The following DLGAP1 variants were observed in gnomAD, a reference collection of about 807,000 sequenced individuals.
The protein encoded by DLGAP1 is DLG associated protein 1, also known as disks large-associated protein 1.
A neutral mutation model predicts 90.8 loss-of-function variants in DLGAP1; 11 were observed. The observed-to-expected ratio is 0.12, with a 90% CI of 0.08 to 0.20. DLGAP1 has a LOEUF of 0.20. Ranked by LOEUF, DLGAP1 falls within the 10% of genes least tolerant of loss-of-function variation. The pLI, the probability that DLGAP1 is intolerant of heterozygous loss-of-function variation, is 1.00. For synonymous variants in DLGAP1, 558 were observed against 540.7 expected (o/e 1.03, Z -0.44); for missense variants, 1,050 against 1,333.8 (o/e 0.79, Z 3.31).
At chr18:3,781,918 G>A (rs545966763) in intron 5 of DLGAP1, among the ~76,000 whole-genome samples, 118 of 152,190 alleles carry the variant, frequency 7.8e-4, no homozygotes, top group Middle Eastern at 3.4e-3. Context: ...GGTACACACC[G>A]CTACATTTGA....
chr18:3,910,051 T>A (rs952442582), intron 3 of DLGAP1, among the ~76,000 whole-genome samples: 1 of 151,590 alleles, frequency 6.6e-6, no homozygotes, highest in African/African-American at 2.4e-5. Flanking sequence ...CAGGAAGTCA[T>A]CATTTGCCAT....
In DLGAP1 at chr18:3,646,882, A is replaced by G. The variant is rs530093661; in HGVS notation, c.1592-64634T>C. The stretch of plus-strand genomic sequence containing the variant: ...GGAGCTTGCAGTGAGCCAAGATCGA[A>G]CTACTGCACTTCAGCCTGGGCAACA... On this transcript the variant is annotated intron_variant, in intron 7 of 12. Coordinates refer to ENST00000315677, the MANE Select transcript of DLGAP1 (RefSeq NM_004746.4). Among the ~76,000 whole-genome samples, 865 of 151,840 alleles carry G rather than the reference A, an allele frequency of 5.7e-3. 9 individuals are homozygous for G. The highest frequency in any genetic ancestry group is 0.02 in the African/African-American group (832 of 41,234).
intron 2 of DLGAP1, among the ~76,000 whole-genome samples, chr18:4,129,231 G>A (rs1239609288): frequency 2.0e-5 from 3 of 151,618 alleles, no homozygotes; most frequent in Admixed American, 6.6e-5. Context: ...AAAAACTAAC[G>A]TAATGATATT....
chr18:3,963,965 T>G (rs997756223), intron 3 of DLGAP1, among the ~76,000 whole-genome samples: 9 of 152,248 alleles, frequency 5.9e-5, no homozygotes, highest in Non-Finnish European at 5.9e-5. Flanking sequence ...GCATTAAAGT[T>G]CATTTCATTT....
At chr18:3,756,448 A>C (rs1351723960) in intron 5 of DLGAP1, among the ~76,000 whole-genome samples, 1 of 152,128 alleles carries the variant, frequency 6.6e-6, no homozygotes, top group African/African-American at 2.4e-5. Context: ...AACATATGAA[A>C]ACTTATAGGA....
intron 1 of DLGAP1, among the ~76,000 whole-genome samples, chr18:4,274,856 T>C (rs1230582733): frequency 6.6e-6 from 1 of 152,084 alleles, no homozygotes; most frequent in Admixed American, 6.5e-5. Context: ...TATTATAGAG[T>C]AGTGAGAGAC....
At chr18:3,533,720 G>A (rs1396559383) in intron 10 of DLGAP1, among the ~76,000 whole-genome samples, 1 of 152,068 alleles carries the variant, frequency 6.6e-6, no homozygotes, top group Admixed American at 6.6e-5. Flanking sequence ...GACTACAGGT[G>A]GGCACCACTG....
chr18:3,804,166 G>C (rs1008267402), intron 5 of DLGAP1, among the ~76,000 whole-genome samples: 4 of 151,982 alleles, frequency 2.6e-5, no homozygotes, highest in African/African-American at 9.6e-5. Flanking sequence ...TGTATTTTTA[G>C]TAGAAATGGG....
intron 2 of DLGAP1, among the ~76,000 whole-genome samples, chr18:4,048,208 T>C (rs889868986): frequency 1.3e-5 from 2 of 152,192 alleles, no homozygotes; most frequent in African/African-American, 4.8e-5. Context: ...GTGAATTACA[T>C]AATGCAAAGA....
chr18:4,295,292 A>G (rs1197400264), intron 1 of DLGAP1: 3 of 152,156 alleles, frequency 2.0e-5, no homozygotes, highest in Non-Finnish European at 2.9e-5. Context: ...CCTGCATTCT[A>G]GTGCTCACCA....
intron 1 of DLGAP1, among the ~76,000 whole-genome samples, chr18:4,426,489 C>T (rs2083158825): frequency 6.6e-6 from 1 of 152,136 alleles, no homozygotes; most frequent in African/African-American, 2.4e-5. Flanking sequence ...GAGGATAAAA[C>T]ATGTGTCATA....
chr18:3,772,458 CTCTTTCTT>C (rs10667751), intron 5 of DLGAP1, among the ~76,000 whole-genome samples: 2 of 83,806 alleles, frequency 2.4e-5, no homozygotes, highest in East Asian at 4.2e-4. Context: ...CCCCACCCCC[CTCTTTCTT>C]TCTTTCTTTC....
intron 1 of DLGAP1, among the ~76,000 whole-genome samples, chr18:4,214,338 G>A (rs1005413129): frequency 6.6e-6 from 1 of 151,870 alleles, no homozygotes; most frequent in African/African-American, 2.4e-5. Flanking sequence ...GGGGGAAAAG[G>A]ATTCAGTATA....
intron 2 of DLGAP1, among the ~76,000 whole-genome samples, chr18:4,038,506 C>CA (rs897966229): frequency 6.6e-6 from 1 of 152,024 alleles, no homozygotes; most frequent in Non-Finnish European, 1.5e-5. Flanking sequence ...TATCTCCCTC[C>CA]ATTTTTCAAA....
At chr18:3,843,551 G>A (rs933505261) in intron 4 of DLGAP1, among the ~76,000 whole-genome samples, 3 of 152,320 alleles carry the variant, frequency 2.0e-5, no homozygotes, top group Non-Finnish European at 4.4e-5. Flanking sequence ...GGGGAGACAT[G>A]AAATGAGAAA....
intron 12 of DLGAP1, chr18:3,502,181 T>A (rs963710725): frequency 8.3e-7 from 1 of 1,208,932 alleles, no homozygotes; most frequent in South Asian, 2.8e-5. Context: ...TTTATTTTAG[T>A]TTAAAAAGCA....
At chr18:3,882,134 A>G (rs541162737) in intron 3 of DLGAP1, among the ~76,000 whole-genome samples, 1 of 146,384 alleles carries the variant, frequency 6.8e-6, no homozygotes, top group Admixed American at 6.8e-5. Flanking sequence ...ATTTCTGTCA[A>G]TTGAGGGTCA....
At chr18:4,183,902 C>T (rs1185853024) in intron 1 of DLGAP1, among the ~76,000 whole-genome samples, 1 of 152,002 alleles carries the variant, frequency 6.6e-6, no homozygotes, top group Non-Finnish European at 1.5e-5. Flanking sequence ...AAAGCTTTCC[C>T]AGTAAAAAGA....
At chr18:3,932,084 G>A (rs1220959351) in intron 3 of DLGAP1, among the ~76,000 whole-genome samples, 1 of 152,082 alleles carries the variant, frequency 6.6e-6, no homozygotes, top group Non-Finnish European at 1.5e-5. Flanking sequence ...AAGTAGAAAG[G>A]TTGCGTGAGG....
Sources: allele counts gnomAD v4.1 joint callset (sites outside exome capture counted in the v4.1 genomes callset), GRCh38; gene constraint gnomAD v4.1.1; transcripts MANE v1.5; gene names NCBI Gene and HGNC (gene_info 2026-07-23, HGNC 2026-07-21).